ZUP1: variants seen among roughly 807,000 people sequenced by gnomAD.
The protein encoded by ZUP1 is zinc finger-containing ubiquitin peptidase 1.
Under a neutral mutation model 68.1 loss-of-function variants are expected in ZUP1, and 55 were observed. The ratio of observed to expected loss-of-function variants is 0.81; its 90% CI spans 0.65 to 1.01. The LOEUF (loss-of-function observed/expected upper bound fraction) is 1.01, where lower values mean the gene tolerates loss of function less well. Among genes scored for constraint, ZUP1 ranks in the 50% least tolerant of loss-of-function variants. The probability of loss-of-function intolerance (pLI) is 0.00; values close to 1 mark genes in which losing one functional copy is unlikely to be tolerated. For synonymous variants in ZUP1, 223 were observed against 221.5 expected (o/e 1.01, Z -0.06); for missense variants, 684 against 674.9 (o/e 1.01, Z -0.15).
At chr6:116,638,860 T>C (rs533300372) in intron 9 of ZUP1, among the ~76,000 whole-genome samples, 7 of 152,238 alleles carry the variant, frequency 4.6e-5, no homozygotes, top group Admixed American at 3.3e-4. Flanking sequence ...CAGCGCACCA[T>C]GCGCCAGATG....
chr6:116,644,852 A>AATG (rs1440595462), intron 9 of ZUP1, among the ~76,000 whole-genome samples: 1 of 151,698 alleles, frequency 6.6e-6, no homozygotes, highest in Non-Finnish European at 1.5e-5. Context: ...TAATAATAAT[A>AATG]ATAAATAATA....
chr6:116,647,481 A>C lies in ZUP1; in HGVS notation c.1446T>G (p.Pro482=). The C allele has an allele frequency of 6.4e-7, 1 of 1,573,014 alleles. No individual in the cohort carries two copies. The highest frequency in any genetic ancestry group is 1.3e-5 in the African/African-American group (1 of 74,280). Residue 482 remains proline (P), a synonymous_variant, in exon 8 of 10, where the codon CCT becomes CCG. Coordinates refer to ENST00000368576, the MANE Select transcript of ZUP1 (RefSeq NM_145062.3). ...AACCTTGATGCTGAAGATAGATAGG[A>C]GGTTTAGATGTACACACTACCTTTG... ...GSPKVVCTSK[P]PIYLQHQGHS... is the part of the protein sequence containing the mutation.
intron 8 of ZUP1, 74 bp downstream of exon 8, chr6:116,647,385 C>G: frequency 2.4e-6 from 3 of 1,271,878 alleles, no homozygotes; most frequent in Non-Finnish European, 3.1e-6. Flanking sequence ...AACAAAAAAC[C>G]TTAACCTGTC....
intron 2 of ZUP1, among the ~76,000 whole-genome samples, chr6:116,662,984 A>G (rs1420669803): frequency 6.6e-6 from 1 of 152,188 alleles, no homozygotes; most frequent in Non-Finnish European, 1.5e-5. Flanking sequence ...TACTATGATC[A>G]TTCTTAGCAA....
At chr6:116,653,452 G>A (rs1253973408) in intron 5 of ZUP1, among the ~76,000 whole-genome samples, 1 of 151,734 alleles carries the variant, frequency 6.6e-6, no homozygotes, top group Non-Finnish European at 1.5e-5. Context: ...GAAGAAAATG[G>A]GTTTTTGTCT....
intron 7 of ZUP1, among the ~76,000 whole-genome samples, chr6:116,648,699 C>T (rs1186437217): frequency 1.3e-5 from 2 of 152,016 alleles, no homozygotes; most frequent in Admixed American, 6.6e-5. Context: ...CAGTGGCTCA[C>T]GCCTGTGATC....
At chr6:116,645,583 CAAAAAAA>C (rs59393240) in intron 9 of ZUP1, 124 bp downstream of exon 9, 21 of 431,284 alleles carry the variant, frequency 4.9e-5, no homozygotes, top group Admixed American at 4.5e-4. Context: ...ACCCTGTCTC[CAAAAAAA>C]AAAAAAAAAA....
At chr6:116,637,296 T>C (rs920032680) in intron 9 of ZUP1, among the ~76,000 whole-genome samples, 1 of 152,170 alleles carries the variant, frequency 6.6e-6, no homozygotes, top group Non-Finnish European at 1.5e-5. Flanking sequence ...AGATTAATAA[T>C]GGTGTCTACT....
In ZUP1 at chr6:116,651,708, G is replaced by T. The variant is rs771466520; in HGVS notation, c.1180C>A (p.Gln394Lys). ...GMLIPCIPKI[Q>K]SMIEDAWKEG... ...TTCCATGCATCTTCAATCATAGATT[G>T]AATTTTTGGAATGCAAGGAATCAAC... Residue 394 changes from glutamine to lysine, a missense_variant, in exon 7 of 10, where the codon CAA becomes AAA. Coordinates refer to ENST00000368576, the MANE Select transcript of ZUP1 (RefSeq NM_145062.3). The T allele has an allele frequency of 1.2e-6, 2 of 1,613,584 alleles. No homozygotes were observed. The highest frequency in any genetic ancestry group is 1.1e-5 in the South Asian group (1 of 91,048).
At chr6:116,652,568 T>C (rs930923731) in intron 5 of ZUP1, among the ~76,000 whole-genome samples, 4 of 152,174 alleles carry the variant, frequency 2.6e-5, no homozygotes, top group African/African-American at 9.6e-5. Flanking sequence ...CCAATAGTTT[T>C]AATTTTTTTG....
intron 8 of ZUP1, 105 bp from the exon 9 acceptor site, chr6:116,646,039 T>C: frequency 1.3e-5 from 10 of 767,622 alleles, no homozygotes; most frequent in Non-Finnish European, 2.0e-5. Context: ...AGAATATAAA[T>C]ACAGTCAGAC....
chr6:116,644,730 C>T lies in ZUP1; in HGVS notation c.1689+984G>A, dbSNP rs953552839. Reference sequence around the variant, plus strand: ...GGGAGGGATAGCATTAGGAAATATACCTAATGCTAAATGACGATTTAATGG... The same window carrying T: ...GGGAGGGATAGCATTAGGAAATATATCTAATGCTAAATGACGATTTAATGG... On this transcript the variant is annotated intron_variant, in intron 9 of 9. Transcript: ENST00000368576. Among the ~76,000 whole-genome samples the T allele has an allele frequency of 4.0e-5, 6 of 151,820 alleles. No homozygotes were observed. In the East Asian group the frequency reaches 1.2e-3, roughly 29 times the overall value.
At chr6:116,655,530 T>G (rs914345321) in intron 5 of ZUP1, among the ~76,000 whole-genome samples, 1 of 152,144 alleles carries the variant, frequency 6.6e-6, no homozygotes, top group Non-Finnish European at 1.5e-5. Flanking sequence ...CTTTAAAAAC[T>G]TTTAAGTAAA....
At chr6:116,649,335 C>G (rs1312847512) in intron 7 of ZUP1, among the ~76,000 whole-genome samples, 2 of 152,082 alleles carry the variant, frequency 1.3e-5, no homozygotes, top group Non-Finnish European at 2.9e-5. Context: ...ACATCTATCT[C>G]TATTTCCTCT....
At position 116,651,634 on chromosome 6, in the gene ZUP1, C is replaced by T. The variant is rs1356524860; in HGVS notation, c.1254G>A (p.Gln418=). 1.9e-6 allele frequency: 3 copies of T among 1,613,866 alleles called. No individual in the cohort carries two copies. Among genetic ancestry groups the T allele is most frequent in the Non-Finnish European group, 2.5e-6 (3 of 1,179,832 alleles). ...QGASQLNNRL[Q]GTKAWIGACE... is the part of the protein sequence containing the mutation. ...ATGCTCCAATCCAGGCCTTTGTTCCCTGTAACCTGTTATTAAGTTGAGAGG... is the reference window on the plus strand; with the variant it reads ...ATGCTCCAATCCAGGCCTTTGTTCCTTGTAACCTGTTATTAAGTTGAGAGG... The change falls in exon 7 of 10, where the codon CAG becomes CAA. Residue 418 remains glutamine (Q), a synonymous_variant. Coordinates refer to ENST00000368576, the MANE Select transcript of ZUP1 (RefSeq NM_145062.3).
At chr6:116,635,904 AT>A in intron 9 of ZUP1, 25 bp from the exon 10 acceptor site, 1 of 1,530,142 alleles carries the variant, frequency 6.5e-7, no homozygotes. Context: ...TTAAAAAACA[AT>A]TTTAAGCTAT....
intron 5 of ZUP1, among the ~76,000 whole-genome samples, chr6:116,655,184 C>T (rs1394816991): frequency 6.6e-6 from 1 of 151,948 alleles, no homozygotes; most frequent in Non-Finnish European, 1.5e-5. Flanking sequence ...GAGTAGAAAA[C>T]TGGAAACAAT....
At chr6:116,637,170 A>G (rs1289216006) in intron 9 of ZUP1, among the ~76,000 whole-genome samples, 1 of 152,212 alleles carries the variant, frequency 6.6e-6, no homozygotes, top group African/African-American at 2.4e-5. Context: ...CAGAAGAGGC[A>G]ATATAGGGCT....
At chr6:116,651,937 T>C in intron 6 of ZUP1, 67 bp downstream of exon 6, 1 of 1,520,654 alleles carries the variant, frequency 6.6e-7, no homozygotes, top group Non-Finnish European at 9.0e-7. Flanking sequence ...TAATTGTGTA[T>C]GCTATATCAT....
Sources: gnomAD v4.1 joint callset for allele counts (sites outside exome capture counted in the v4.1 genomes callset) on GRCh38, gnomAD v4.1.1 for gene constraint, MANE v1.5 for transcripts, NCBI Gene and HGNC (gene_info 2026-07-23, HGNC 2026-07-21) for gene names.